Variants in SLC22A6 observed in about 807,000 individuals in gnomAD.
SLC22A6 encodes the protein solute carrier family 22 member 6.
SLC22A6 carries 45 observed loss-of-function variants against 56.7 expected under a neutral mutation model. The ratio of observed to expected loss-of-function variants is 0.79; its 90% CI spans 0.63 to 1.02. The LOEUF is 1.02. Ranked by LOEUF, SLC22A6 falls within the 50% of genes least tolerant of loss-of-function variation. The probability of loss-of-function intolerance (pLI) is 0.00; values close to 1 mark genes in which losing one functional copy is unlikely to be tolerated. For missense variants in SLC22A6, 606 were observed against 713.8 expected, an observed-to-expected ratio of 0.85 and a Z score of 1.72; for synonymous variants, 291 against 295.9, an observed-to-expected ratio of 0.98 and a Z score of 0.17.
At chr11:62,982,327 C>T (rs998385531) in intron 3 of SLC22A6, among the ~76,000 whole-genome samples, 3 of 152,150 alleles carry the variant, frequency 2.0e-5, no homozygotes, top group African/African-American at 7.2e-5. Context: ...TCAGCAGCAA[C>T]CATTCCTCTG....
intron 8 of SLC22A6, 149 bp from the exon 9 acceptor site, chr11:62,977,536 G>T: frequency 1.0e-6 from 1 of 998,618 alleles, no homozygotes; most frequent in Non-Finnish European, 1.4e-6. Context: ...AAACCAATTT[G>T]GCGATTTTTT....
chr11:62,979,901 C>A lies in SLC22A6; in HGVS notation c.1085G>T (p.Gly362Val). Residue 362 changes from glycine to valine, a missense_variant, in exon 7 of 10, where the codon GGC (glycine) becomes GTC (valine). Gly to Val is a moderately radical substitution (Grantham distance 109). Coordinates refer to ENST00000360421, the MANE Select transcript of SLC22A6 (RefSeq NM_153276.3). ...GATTAGGTAGATGCTGACTCCAAAG[C>A]CCTGCAGGTCCATGACCAGCCCATA... Reference protein sequence around the residue: ...AYYGLVMDLQGFGVSIYLIQV... With the variant: ...AYYGLVMDLQVFGVSIYLIQV... 1 of 1,614,128 alleles carries A rather than the reference C, an allele frequency of 6.2e-7. No homozygotes were observed. The highest frequency in any genetic ancestry group is 1.7e-4 in the Middle Eastern group (1 of 6,060).
In SLC22A6 at chr11:62,983,394, G is replaced by T. The variant is rs1021089811; in HGVS notation, c.628+143C>A. The T allele has an allele frequency of 7.1e-6, 6 of 839,734 alleles. No homozygotes were observed. The highest frequency in any genetic ancestry group is 1.1e-5 in the Non-Finnish European group (6 of 537,250). 52.0% of individuals were successfully genotyped at this position (839,734 alleles called of 1,614,324 possible). On this transcript the variant is annotated intron_variant, in intron 3 of 9. Coordinates refer to ENST00000360421, the MANE Select transcript of SLC22A6 (RefSeq NM_153276.3). The surrounding 1 kb of genome is among the most constrained non-coding windows in gnomAD (Gnocchi z 4.5). ...TCAGGGCGGCATGAGCCTGAGAAAA[G>T]GTTGTTCTATTGGCAGGAAGGTGAG...
intron 8 of SLC22A6, among the ~76,000 whole-genome samples, chr11:62,979,244 C>A (rs558965018): frequency 6.6e-6 from 1 of 152,158 alleles, no homozygotes. Context: ...CCTTACCCTG[C>A]CCCAGTTGGT....
chr11:62,981,726 G>T, intron 4 of SLC22A6, 116 bp downstream of exon 4: 1 of 1,105,540 alleles, frequency 9.0e-7, no homozygotes, highest in Non-Finnish European at 1.3e-6. Flanking sequence ...ATTGGACTGG[G>T]TTTGACCTTC....
At position 62,983,985 on chromosome 11, in the gene SLC22A6, C is replaced by T. The variant is rs1371469232; in HGVS notation, c.432G>A (p.Gly144=). Residue 144 remains glycine, a synonymous_variant, in exon 2 of 10, where the codon GGG becomes GGA. Coordinates refer to ENST00000360421, the MANE Select transcript of SLC22A6 (RefSeq NM_153276.3). This position sits in a 1 kb window ranked among gnomAD's most constrained non-coding sequence, Gnocchi z 4.5. The stretch of plus-strand genomic sequence containing the variant: ...CGAACACCATGGCTCCGAGCAGCAC[C>T]CCCACCATGTACAAGGACTGGGCCA... The part of the protein sequence containing the change: ...RQLAQSLYMV[G]VLLGAMVFGY... The T allele has an allele frequency of 6.2e-7, 1 of 1,613,944 alleles. No homozygotes were observed. Among genetic ancestry groups the T allele is most frequent in the Non-Finnish European group, 8.5e-7 (1 of 1,179,924 alleles).
chr11:62,983,765 C>G lies in SLC22A6; in HGVS notation c.474-74G>C. On this transcript the variant is annotated intron_variant, in intron 2 of 9. Coordinates refer to ENST00000360421, the MANE Select transcript of SLC22A6 (RefSeq NM_153276.3). This position sits in a 1 kb window ranked among gnomAD's most constrained non-coding sequence, Gnocchi z 4.5. ...GTCAGGCTGAGCCAGGAGAGGAGGG[C>G]TCACCCTGGATGATGCCTGGGCTGG... The G allele has an allele frequency of 2.1e-6, 3 of 1,461,700 alleles. No individual in the cohort carries two copies. The highest frequency in any genetic ancestry group is 2.3e-5 in the East Asian group (1 of 42,910). The allele number at this position is 1,461,700 out of a possible 1,614,324, so 90.5% of individuals were successfully genotyped here.
rs1212616907 is a variant in SLC22A6, at chr11:62,981,251, G to T, written c.921+9C>A. The stretch of plus-strand genomic sequence containing the variant: ...GGAGGTTATCATGGGAAGTCTCAGG[G>T]GATCTCACCTCCATACTCAATTTGG... On this transcript the variant is annotated intron_variant, in intron 5 of 9. Coordinates refer to ENST00000360421, the MANE Select transcript of SLC22A6 (RefSeq NM_153276.3). 6.2e-7 allele frequency: 1 copy of T among 1,609,952 alleles called. No homozygotes were observed. The highest frequency in any genetic ancestry group is 8.5e-7 in the Non-Finnish European group (1 of 1,178,268).
In SLC22A6 at chr11:62,981,385, T is replaced by C; in HGVS notation, c.798-2A>G. The C allele has an allele frequency of 3.4e-6, 2 of 595,090 alleles. No individual in the cohort carries two copies. Among genetic ancestry groups the C allele is most frequent in the Non-Finnish European group, 4.4e-6 (2 of 459,352 alleles). The allele number at this position is 595,090 out of a possible 1,614,324, so 36.9% of individuals were successfully genotyped here. On this transcript the variant is annotated splice_acceptor_variant, in intron 4 of 9. Coordinates refer to ENST00000360421, the MANE Select transcript of SLC22A6 (RefSeq NM_153276.3). LOFTEE classifies it high-confidence loss of function. ...CAGCGGGCCGACTCAATGAAGAACC[T>C]GGGAGCGGGGGTGGGGGTGGGTGTC... is the stretch of plus-strand genomic sequence containing the variant.
chr11:62,984,805 G>T lies in SLC22A6; in HGVS notation c.-115C>A. 8.1e-7 allele frequency: 1 copy of T among 1,228,998 alleles called. No individual in the cohort carries two copies. The highest frequency in any genetic ancestry group is 1.1e-6 in the Non-Finnish European group (1 of 903,982). 76.1% of individuals were successfully genotyped at this position (1,228,998 alleles called of 1,614,324 possible). Reference sequence around the variant, plus strand: ...GAGCAGCACTGCCGTTGCCTCCGCAGCTGGGTTGCTCCGGGAGCTGAGTCC... The same window carrying T: ...GAGCAGCACTGCCGTTGCCTCCGCATCTGGGTTGCTCCGGGAGCTGAGTCC... On this transcript the variant is annotated 5_prime_UTR_variant, in exon 1 of 10. In the 5' UTR this introduces an upstream ATG that the reference lacks. Transcript: ENST00000360421.
chr11:62,981,395 G>T lies in SLC22A6; in HGVS notation c.798-12C>A. ...ACTCAATGAAGAACCTGGGAGCGGG[G>T]GTGGGGGTGGGTGTCAGCATGGCTT... On this transcript the variant is annotated splice_polypyrimidine_tract_variant and intron_variant, in intron 4 of 9. Coordinates refer to ENST00000360421, the MANE Select transcript of SLC22A6 (RefSeq NM_153276.3). The T allele has an allele frequency of 6.7e-7, 1 of 1,485,600 alleles. No homozygotes were observed. The highest frequency in any genetic ancestry group is 1.9e-5 in the Admixed American group (1 of 51,502). 92.0% of individuals were successfully genotyped at this position (1,485,600 alleles called of 1,614,324 possible).
At position 62,976,681 on chromosome 11, in the gene SLC22A6, C is replaced by A; in HGVS notation, c.*113G>T. 1.2e-6 allele frequency: 1 copy of A among 854,256 alleles called. No individual in the cohort carries two copies. Among genetic ancestry groups the A allele is most frequent in the Non-Finnish European group, 1.8e-6 (1 of 548,562 alleles). 52.9% of individuals were successfully genotyped at this position (854,256 alleles called of 1,614,324 possible). On this transcript the variant is annotated 3_prime_UTR_variant, in exon 10 of 10. Transcript: ENST00000360421. ...ACCCCTGGGAAGATGCTTTCCTGAA[C>A]CACAACCCCCACACTTGGGTCACCA...
In SLC22A6 at chr11:62,979,850, A is replaced by T; in HGVS notation, c.1136T>A (p.Leu379Gln). 4 of 1,614,234 alleles carry T rather than the reference A, an allele frequency of 2.5e-6. No individual in the cohort carries two copies. The highest frequency in any genetic ancestry group is 3.4e-6 in the Non-Finnish European group (4 of 1,180,036). Residue 379 changes from leucine (L) to glutamine (Q), a missense_variant, in exon 7 of 10, where the codon CTG (leucine) becomes CAG (glutamine). Physicochemically the swap from Leu to Gln is moderately radical, Grantham distance 113 (BLOSUM62 -2). Transcript: ENST00000360421. ...AAGGAAGCCCACAAGCTTGGCAGGC[A>T]GGTCCACAGCACCAAAGATCACCTG... ...LIQVIFGAVD[L>Q]PAKLVGFLVI...
chr11:62,984,037 A>G lies in SLC22A6; in HGVS notation c.380T>C (p.Val127Ala). 1 of 1,610,132 alleles carries G rather than the reference A, an allele frequency of 6.2e-7. No individual in the cohort carries two copies. The highest frequency in any genetic ancestry group is 8.5e-7 in the Non-Finnish European group (1 of 1,176,808). Reference sequence around the variant, plus strand: ...CTGGCGTAGGGCCCTGTGAGAGCACACAAGGTCCCACTGTGGGGAGAGGAG... The same window carrying G: ...CTGGCGTAGGGCCCTGTGAGAGCACGCAAGGTCCCACTGTGGGGAGAGGAG... Reference protein sequence around the residue: ...PSTIVTEWDLVCSHRALRQLA... With the variant: ...PSTIVTEWDLACSHRALRQLA... Residue 127 changes from valine to alanine, a missense_variant, in exon 2 of 10, where the codon GTG (valine) becomes GCG (alanine). Physicochemically the swap from Val to Ala is moderately conservative, Grantham distance 64. Transcript: ENST00000360421.
intron 8 of SLC22A6, among the ~76,000 whole-genome samples, chr11:62,978,590 CTTTT>C (rs1230405831): frequency 9.7e-6 from 1 of 102,572 alleles, no homozygotes; most frequent in African/African-American, 3.7e-5. Context: ...GTCTTGATCT[CTTTT>C]TTTTTTTTTT....
chr11:62,983,777 G>T lies in SLC22A6; in HGVS notation c.474-86C>A. 1 of 1,401,346 alleles carries T rather than the reference G, an allele frequency of 7.1e-7. No homozygotes were observed. Among genetic ancestry groups the T allele is most frequent in the Non-Finnish European group, 9.7e-7 (1 of 1,030,036 alleles). 86.8% of individuals were successfully genotyped at this position (1,401,346 alleles called of 1,614,324 possible). A position where few individuals can be genotyped will look rare whatever the true frequency, so the allele number is the denominator to read the frequency against. ...CAGGAGAGGAGGGCTCACCCTGGAT[G>T]ATGCCTGGGCTGGGGCCTTTTGAGG... On this transcript the variant is annotated intron_variant, in intron 2 of 9. Coordinates refer to ENST00000360421, the MANE Select transcript of SLC22A6 (RefSeq NM_153276.3). This position sits in a 1 kb window ranked among gnomAD's most constrained non-coding sequence, Gnocchi z 4.5.
Position 62,983,842 on chromosome 11 carries a change from C to G in SLC22A6, c.473+102G>C. The G allele has an allele frequency of 8.4e-7, 1 of 1,193,080 alleles. No individual in the cohort carries two copies. The highest frequency in any genetic ancestry group is 1.2e-6 in the Non-Finnish European group (1 of 846,938). 73.9% of individuals were successfully genotyped at this position (1,193,080 alleles called of 1,614,324 possible). ...AGGCTGGTGCTGTAGATCCTCAAAC[C>G]AGCGCCGGCTGGCAATGCCAAGCTC... On this transcript the variant is annotated intron_variant, in intron 2 of 9. Transcript: ENST00000360421. This position sits in a 1 kb window ranked among gnomAD's most constrained non-coding sequence, Gnocchi z 4.5.
rs11568627 is a variant in SLC22A6 at position 62,984,380 on chromosome 11, G to A, written c.311C>T (p.Pro104Leu). The change falls in exon 1 of 10, where the codon CCC (proline) becomes CTC (leucine). Residue 104 changes from proline to leucine, a missense_variant. Coordinates refer to ENST00000360421, the MANE Select transcript of SLC22A6 (RefSeq NM_153276.3). Reference sequence around the variant, plus strand: ...GTCATAGATCCAGCCATCGGTGCAGGGCTCTGTGGCCCCTGTGCCATTGGC... The same window carrying A: ...GTCATAGATCCAGCCATCGGTGCAGAGCTCTGTGGCCCCTGTGCCATTGGC... ...TEANGTGATE[P>L]CTDGWIYDNS... The A allele has an allele frequency of 3.5e-3, 5,660 of 1,613,918 alleles. 11 individuals carry two copies. The highest frequency in any genetic ancestry group is 3.8e-3 in the Non-Finnish European group (4,477 of 1,179,996).
chr11:62,981,397 T>TGGGGGGGGGGGG lies in SLC22A6; in HGVS notation c.798-15_798-14insCCCCCCCCCCCC. Reference sequence around the variant, plus strand: ...TCAATGAAGAACCTGGGAGCGGGGGTGGGGGTGGGTGTCAGCATGGCTTCA... The same window carrying TGGGGGGGGGGGG: ...TCAATGAAGAACCTGGGAGCGGGGGTGGGGGGGGGGGGGGGGGTGGGTGTCAGCATGGCTTCA... On this transcript the variant is annotated splice_polypyrimidine_tract_variant and intron_variant, in intron 4 of 9. Transcript: ENST00000360421. 1 of 389,254 alleles carries TGGGGGGGGGGGG rather than the reference T, an allele frequency of 2.6e-6. No individual in the cohort carries two copies. The highest frequency in any genetic ancestry group is 6.6e-5 in the Admixed American group (1 of 15,240). The allele number at this position is 389,254 out of a possible 1,614,324, so 24.1% of individuals were successfully genotyped here. A position where few individuals can be genotyped will look rare whatever the true frequency, so the allele number is the denominator to read the frequency against.
Sources: gnomAD v4.1 joint callset for allele counts (sites outside exome capture counted in the v4.1 genomes callset) on GRCh38, gnomAD v4.1.1 for gene constraint, Gnocchi (gnomAD v3.1) non-coding constraint, MANE v1.5 for transcripts, NCBI Gene and HGNC (gene_info 2026-07-23, HGNC 2026-07-21) for gene names.